The following ZP3 variants were observed in gnomAD, a reference collection of about 807,000 sequenced individuals.
ZP3 encodes zona pellucida sperm-binding protein 3.
Under a neutral mutation model 35.6 loss-of-function variants are expected in ZP3, and 21 were observed. That is an observed-to-expected ratio of 0.59 (90% CI 0.42 to 0.85). ZP3 has a LOEUF of 0.85. Ranked by LOEUF, ZP3 falls within the 40% of genes least tolerant of loss-of-function variation. The probability of loss-of-function intolerance (pLI) is 0.00; values close to 1 mark genes in which losing one functional copy is unlikely to be tolerated. For missense variants in ZP3, 437 were observed against 536.5 expected (o/e 0.81, Z 1.83); for synonymous variants, 207 against 214.5 (o/e 0.96, Z 0.31).
At chr7:76,425,300 C>T (rs1396153400) in intron 1 of ZP3, 24 bp downstream of exon 1, 3 of 1,581,794 alleles carry the variant, frequency 1.9e-6, no homozygotes, top group Admixed American at 3.4e-5. Flanking sequence ...GGGGCCCTGG[C>T]TTTGGTGGGA....
chr7:76,441,241 G>A (rs966269696), intron 7 of ZP3, among the ~76,000 whole-genome samples: 8 of 151,450 alleles, frequency 5.3e-5, no homozygotes, highest in African/African-American at 1.7e-4. Flanking sequence ...GGAGGCTGAG[G>A]CCAGGGAAAT....
rs77067369 is a variant in ZP3, at chr7:76,401,038, C to T, written c.-67+3241C>T. On this transcript the variant is annotated intron_variant, in intron 1 of 8. Transcript: ENST00000336517. ...AAGGGCAGTGGAGTGGGCTGTAGGG[C>T]GCTGGCTGAAACAGAGTGAGGAAGA... 1,697 of 1,547,898 alleles carry T rather than the reference C, an allele frequency of 1.1e-3. 36 individuals are homozygous for T. In the East Asian group the frequency reaches 0.037, roughly 34 times the overall value.
rs768441500 is a variant in ZP3 at position 76,425,074 on chromosome 7, C to T, written c.110C>T (p.Thr37Met). 15 of 1,613,168 alleles carry T rather than the reference C, an allele frequency of 9.3e-6. No homozygotes were observed. The highest frequency in any genetic ancestry group is 8.4e-5 in the Admixed American group (5 of 59,874). The change falls in exon 1 of 8, where the codon ACG becomes ATG. Residue 37 changes from threonine to methionine, a missense_variant. By Grantham distance (81) the Thr-to-Met change is moderately conservative (BLOSUM62 -1). Around this residue, in one of 6 missense-constraint regions of ZP3, gnomAD observed 352 missense variants for 308.4 expected, o/e 1.14. Coordinates refer to ENST00000394857, the MANE Select transcript of ZP3 (RefSeq NM_001110354.2). ...CAGGGTGGAGCCAGCCATCCTGAGACGTCCGTACAGCCCGTACTGGTGGAG... is the reference window on the plus strand; with the variant it reads ...CAGGGTGGAGCCAGCCATCCTGAGATGTCCGTACAGCCCGTACTGGTGGAG... The part of the protein sequence containing the change: ...LLQGGASHPE[T>M]SVQPVLVECQ...
rs549577673 is a variant in ZP3 at position 76,410,021 on chromosome 7, T to TC, written c.-67+12225dup. ...CACTTGGGGGCTGCTGATTTTGCCTTCTTTTTTTTTCTTTTTTCTTTTTTT... is the reference window on the plus strand; with the variant it reads ...CACTTGGGGGCTGCTGATTTTGCCTTCCTTTTTTTTTCTTTTTTCTTTTTTT... On this transcript the variant is annotated intron_variant, in intron 1 of 8. Coordinates refer to the ZP3 transcript ENST00000336517. Among the ~76,000 whole-genome samples, 30 of 152,202 alleles carry TC rather than the reference T, an allele frequency of 2.0e-4. No homozygotes were observed. In the East Asian group the frequency reaches 4.8e-3, roughly 24 times the overall value.
At chr7:76,402,678 G>C (rs554597003) in intron 1 of ZP3, among the ~76,000 whole-genome samples, 1 of 151,328 alleles carries the variant, frequency 6.6e-6, no homozygotes, top group South Asian at 2.1e-4. Flanking sequence ...TTTCTTTTTT[G>C]TTTTTCTTGA....
chr7:76,426,044 C>T (rs1040523294), intron 1 of ZP3, among the ~76,000 whole-genome samples: 5 of 149,922 alleles, frequency 3.3e-5, no homozygotes, highest in Admixed American at 6.7e-5. Flanking sequence ...GATTGTGCCA[C>T]TGCACTCCAG....
chr7:76,436,436 C>CT (rs1806016474), intron 5 of ZP3, among the ~76,000 whole-genome samples: 1 of 152,206 alleles, frequency 6.6e-6, no homozygotes, highest in East Asian at 1.9e-4. Context: ...CTAGGTGACT[C>CT]TAATACGCAG....
intron 5 of ZP3, among the ~76,000 whole-genome samples, chr7:76,437,776 G>A (rs1806068606): frequency 6.6e-6 from 1 of 151,862 alleles, no homozygotes; most frequent in African/African-American, 2.4e-5. Flanking sequence ...TGGGATTACA[G>A]GCATGAGCCA....
intron 1 of ZP3, among the ~76,000 whole-genome samples, chr7:76,401,326 C>A (rs749384608): frequency 1.3e-5 from 2 of 152,234 alleles, no homozygotes; most frequent in Admixed American, 6.6e-5. Flanking sequence ...CCATAATGAC[C>A]CCTGTTACCT....
At chr7:76,418,466 G>T (rs139205687) in intron 1 of ZP3, among the ~76,000 whole-genome samples, 1 of 145,788 alleles carries the variant, frequency 6.9e-6, no homozygotes, top group Non-Finnish European at 1.5e-5. Flanking sequence ...CAGAAGAATC[G>T]CTTGAACCTG....
chr7:76,436,136 C>G (rs1048510000), intron 5 of ZP3, among the ~76,000 whole-genome samples: 1 of 139,548 alleles, frequency 7.2e-6, no homozygotes, highest in Non-Finnish European at 1.5e-5. Flanking sequence ...ACTGCAACTT[C>G]CACCTCCCAG....
At chr7:76,417,727 T>C (rs1244215290) in intron 1 of ZP3, among the ~76,000 whole-genome samples, 2 of 151,072 alleles carry the variant, frequency 1.3e-5, no homozygotes, top group African/African-American at 4.9e-5. Flanking sequence ...TCCTCCCACC[T>C]CAGCCTCCCT....
rs1805767941 is a variant in ZP3 at position 76,429,529 on chromosome 7, C to T, written c.327C>T (p.Ala109=). The change falls in exon 2 of 8, where the codon GCC becomes GCT. Residue 109 remains alanine, a synonymous_variant. Transcript: ENST00000394857. The part of the protein sequence containing the change: ...CGNSMQVTDD[A]LVYSTFLLHD... Reference sequence around the variant, plus strand: ...CTTTCCTCCAGGTAACTGACGATGCCCTGGTGTACAGCACCTTCCTGCTCC... The same window carrying T: ...CTTTCCTCCAGGTAACTGACGATGCTCTGGTGTACAGCACCTTCCTGCTCC... The T allele has an allele frequency of 1.2e-6, 2 of 1,613,914 alleles. No individual in the cohort carries two copies. Among genetic ancestry groups the T allele is most frequent in the African/African-American group, 2.7e-5 (2 of 74,906 alleles).
intron 7 of ZP3, among the ~76,000 whole-genome samples, 178 bp from the exon 8 acceptor site, chr7:76,441,664 A>T (rs927230679): frequency 2.6e-5 from 4 of 152,206 alleles, no homozygotes; most frequent in African/African-American, 4.8e-5. Context: ...CTGGGATTAC[A>T]GGCATTAGCC....
At chr7:76,434,233 C>T in intron 5 of ZP3, 78 bp downstream of exon 5, 2 of 564,976 alleles carry the variant, frequency 3.5e-6, no homozygotes, top group South Asian at 4.2e-5. Flanking sequence ...TCACTAGCTC[C>T]ACCCCTAAGC....
At chr7:76,398,690 C>G in intron 1 of ZP3, 1 of 1,610,262 alleles carries the variant, frequency 6.2e-7, no homozygotes, top group South Asian at 1.1e-5. Flanking sequence ...CTCCCAAAAC[C>G]CAGGTGGTGC....
At chr7:76,441,587 C>T (rs1458611322) in intron 7 of ZP3, among the ~76,000 whole-genome samples, 14 of 151,884 alleles carry the variant, frequency 9.2e-5, no homozygotes, top group South Asian at 2.1e-4. Flanking sequence ...CGGGTCTTGC[C>T]GTGTTGGCCA....
At chr7:76,407,465 G>A (rs1421209090) in intron 1 of ZP3, among the ~76,000 whole-genome samples, 1 of 152,046 alleles carries the variant, frequency 6.6e-6, no homozygotes, top group African/African-American at 2.4e-5. Context: ...CTGAGTAGCT[G>A]GGATTACAGG....
chr7:76,418,738 C>T (rs1356954044), intron 1 of ZP3, among the ~76,000 whole-genome samples: 1 of 151,732 alleles, frequency 6.6e-6, no homozygotes, highest in Non-Finnish European at 1.5e-5. Context: ...CGCCTATAGT[C>T]CCAGCTACTT....
Sources: allele counts gnomAD v4.1 joint callset (sites outside exome capture counted in the v4.1 genomes callset), GRCh38; gene constraint gnomAD v4.1.1; regional missense constraint gnomAD v4.1.1; transcripts MANE v1.5; gene names NCBI Gene and HGNC (gene_info 2026-07-23, HGNC 2026-07-21).